MEGF8: variants seen among roughly 807,000 people sequenced by gnomAD.
MEGF8 encodes the protein multiple EGF like domains 8.
MEGF8 carries 156 observed loss-of-function variants against 302.9 expected under a neutral mutation model. That is an observed-to-expected ratio of 0.52 (90% CI 0.45 to 0.59). The LOEUF is 0.59. Ranked by LOEUF, MEGF8 falls within the 20% of genes least tolerant of loss-of-function variation. The pLI is 0.00. For missense variants in MEGF8, 3,345 were observed against 3,964.5 expected (o/e 0.84, Z 4.20); for synonymous variants, 1,621 against 1,660.5 (o/e 0.98, Z 0.58).
chr19:42,356,877 G>A lies in MEGF8; in HGVS notation c.4726G>A (p.Ala1576Thr), dbSNP rs771000965. 4.4e-6 allele frequency: 7 copies of A among 1,599,158 alleles called. No individual in the cohort carries two copies. The highest frequency in any genetic ancestry group is 6.0e-6 in the Non-Finnish European group (7 of 1,173,398). Residue 1576 changes from alanine (A) to threonine (T), a missense_variant, in exon 27 of 42, where the codon GCT becomes ACT. Transcript: ENST00000251268. This position sits in a 1 kb window ranked among gnomAD's most constrained non-coding sequence, Gnocchi z 5.2. ...CTTCCATGCAGCCGCATATGTGCCC[G>A]CTGGCCGTGGTGCCATGTATCTGCT... ...RSFHAAAYVP[A>T]GRGAMYLLGG...
rs2039267327 is a variant in MEGF8, at chr19:42,344,885, G to GT, written c.2097+55dup. ...GGGTGTTGATGATCCTGATCCTAGG[G>GT]TTTGTTTTTTCTCAAATGCATCTTT... On this transcript the variant is annotated intron_variant, in intron 12 of 41. Transcript: ENST00000251268. The surrounding 1 kb of genome is among the most constrained non-coding windows in gnomAD (Gnocchi z 4.5). 3 of 1,459,640 alleles carry GT rather than the reference G, an allele frequency of 2.1e-6. No individual in the cohort carries two copies. The African/African-American group carries it at 4.3e-5, about 21-fold the overall frequency. The allele number at this position is 1,459,640 out of a possible 1,614,324, so 90.4% of individuals were successfully genotyped here.
In MEGF8 at chr19:42,326,130, A is replaced by T; in HGVS notation, c.-114A>T. 2.2e-6 allele frequency: 3 copies of T among 1,364,850 alleles called. No homozygotes were observed. The highest frequency in any genetic ancestry group is 2.8e-6 in the Non-Finnish European group (3 of 1,059,274). The allele number at this position is 1,364,850 out of a possible 1,614,324, so 84.5% of individuals were successfully genotyped here. A position where few individuals can be genotyped will look rare whatever the true frequency, so the allele number is the denominator to read the frequency against. ...GGTCTCCGGGACCTCTTCGATCTAC[A>T]AGGTCATGTTATGCCTATAGAGGTC... On this transcript the variant is annotated 5_prime_UTR_variant, in exon 1 of 42. It introduces an in-frame stop codon into an upstream open reading frame of the 5' UTR. Transcript: ENST00000251268.
intron 31 of MEGF8, 46 bp downstream of exon 31, chr19:42,359,288 G>A: frequency 6.7e-7 from 1 of 1,488,798 alleles, no homozygotes; most frequent in Non-Finnish European, 8.9e-7. Flanking sequence ...ACATCCAGGA[G>A]GAGCCCCATC....
intron 41 of MEGF8, among the ~76,000 whole-genome samples, chr19:42,374,615 A>G (rs1463416950): frequency 6.6e-6 from 1 of 152,094 alleles, no homozygotes; most frequent in Non-Finnish European, 1.5e-5. Context: ...CCAGCCACAC[A>G]TTCATTCAGC....
intron 41 of MEGF8, among the ~76,000 whole-genome samples, chr19:42,373,913 A>C (rs1193655378): frequency 1.3e-5 from 2 of 151,720 alleles, no homozygotes; most frequent in Admixed American, 1.3e-4. Flanking sequence ...GGGTCTTACT[A>C]TGTTGCCCAG....
intron 41 of MEGF8, among the ~76,000 whole-genome samples, chr19:42,373,618 A>G (rs1330712550): frequency 1.4e-5 from 2 of 141,408 alleles, no homozygotes; most frequent in African/African-American, 2.7e-5. Context: ...CTAGTCTTGA[A>G]CTCCTGAGCT....
rs369206655 is a variant in MEGF8 at position 42,363,033 on chromosome 19, G to A, written c.6059-15G>A. ...TCCTGGGTCTGAGGTTCTAATCCCC[G>A]TGCCCCACCCCCAGGGGAGACCCGC... On this transcript the variant is annotated splice_polypyrimidine_tract_variant and intron_variant, in intron 34 of 41. Coordinates refer to ENST00000251268, the MANE Select transcript of MEGF8 (RefSeq NM_001271938.2). 1.6e-5 allele frequency: 26 copies of A among 1,607,154 alleles called. No homozygotes were observed. Among genetic ancestry groups the A allele is most frequent in the Middle Eastern group, 1.7e-4 (1 of 5,802 alleles).
chr19:42,348,893 G>A (rs1488403869), intron 13 of MEGF8, among the ~76,000 whole-genome samples: 1 of 152,208 alleles, frequency 6.6e-6, no homozygotes, highest in African/African-American at 2.4e-5. Flanking sequence ...AAGCCACTGC[G>A]CCTGGCTGGG....
chr19:42,329,403 G>A (rs1164406270), intron 1 of MEGF8, among the ~76,000 whole-genome samples: 1 of 152,154 alleles, frequency 6.6e-6, no homozygotes, highest in East Asian at 1.9e-4. Flanking sequence ...CAGTGCAATC[G>A]ATGTTTGTGG....
rs376227318 is a variant in MEGF8, at chr19:42,358,438, C to T, written c.5175+131C>T. On this transcript the variant is annotated intron_variant, in intron 29 of 41. Coordinates refer to ENST00000251268, the MANE Select transcript of MEGF8 (RefSeq NM_001271938.2). This position sits in a 1 kb window ranked among gnomAD's most constrained non-coding sequence, Gnocchi z 4.4. ...CTTTCTATGTTCCCTAACTAAGCGA[C>T]ACCCCCACATCTCCCCCGCTTCCAT... 54 of 1,172,416 alleles carry T rather than the reference C, an allele frequency of 4.6e-5. No individual in the cohort carries two copies. The highest frequency in any genetic ancestry group is 4.0e-4 in the East Asian group (14 of 34,956). The allele number at this position is 1,172,416 out of a possible 1,614,324, so 72.6% of individuals were successfully genotyped here.
At position 42,349,556 on chromosome 19, in the gene MEGF8, C is replaced by G. The variant is rs1427969966; in HGVS notation, c.2356C>G (p.Pro786Ala). ...QEKETRRLQR[P>A]GSARLFPLPG... is the part of the protein sequence containing the mutation. ...GAAGGAGACGCGGCGGCTGCAGCGCCCTGGGTCTGCTCGCCTCTTCCCTCT... is the reference window on the plus strand; with the variant it reads ...GAAGGAGACGCGGCGGCTGCAGCGCGCTGGGTCTGCTCGCCTCTTCCCTCT... The change falls in exon 14 of 42, where the codon CCT (proline) becomes GCT (alanine). Residue 786 changes from proline (P) to alanine (A), a missense_variant. Coordinates refer to ENST00000251268, the MANE Select transcript of MEGF8 (RefSeq NM_001271938.2). The G allele has an allele frequency of 6.2e-7, 1 of 1,612,072 alleles. No individual in the cohort carries two copies. Among genetic ancestry groups the G allele is most frequent in the Non-Finnish European group, 8.5e-7 (1 of 1,179,818 alleles).
At chr19:42,372,582 A>G (rs2039707531) in intron 41 of MEGF8, among the ~76,000 whole-genome samples, 1 of 152,102 alleles carries the variant, frequency 6.6e-6, no homozygotes, top group Admixed American at 6.5e-5. Context: ...TGCCACCCCA[A>G]ATGGCAACAG....
Position 42,377,140 on chromosome 19 carries a change from G to A in MEGF8, c.*365G>A. 1 of 219,012 alleles carries A rather than the reference G, an allele frequency of 4.6e-6. No homozygotes were observed. The highest frequency in any genetic ancestry group is 9.4e-5 in the East Asian group (1 of 10,626). 13.6% of individuals were successfully genotyped at this position (219,012 alleles called of 1,614,324 possible). ...CAAGTAAGATGGCTTCAGAGAGGGAGAAGCACTGTGAGGCCTCCAGAGGAT... is the reference window on the plus strand; with the variant it reads ...CAAGTAAGATGGCTTCAGAGAGGGAAAAGCACTGTGAGGCCTCCAGAGGAT... On this transcript the variant is annotated 3_prime_UTR_variant, in exon 42 of 42. Transcript: ENST00000251268.
At chr19:42,334,300 C>T in intron 3 of MEGF8, 87 bp downstream of exon 3, 1 of 1,236,404 alleles carries the variant, frequency 8.1e-7, no homozygotes, top group Non-Finnish European at 1.1e-6. Context: ...GACCTTGCTC[C>T]TGCATGAAAC....
In MEGF8 at chr19:42,357,539, A is replaced by G. The variant is rs1407686097; in HGVS notation, c.4966A>G (p.Thr1656Ala). The change falls in exon 28 of 42, where the codon ACC becomes GCC. Residue 1656 changes from threonine (T) to alanine (A), a missense_variant. Coordinates refer to ENST00000251268, the MANE Select transcript of MEGF8 (RefSeq NM_001271938.2). This position sits in a 1 kb window ranked among gnomAD's most constrained non-coding sequence, Gnocchi z 5.2. ...GCAGCTGCTGGAGTACCAGCTGGCA[A>G]CCGGCACCTGGGTGTCAGGAGCCCA... ...NQQLLEYQLA[T>A]GTWVSGAQSG... 4.3e-6 allele frequency: 7 copies of G among 1,613,198 alleles called. 1 individual carries two copies. In the South Asian group the frequency reaches 7.7e-5, roughly 18 times the overall value.
At chr19:42,333,918 C>A in intron 2 of MEGF8, 89 bp from the exon 3 acceptor site, 2 of 1,523,268 alleles carry the variant, frequency 1.3e-6, no homozygotes, top group East Asian at 2.4e-5. Flanking sequence ...CTCTGGGTCC[C>A]CCAGGGTGGA....
intron 31 of MEGF8, 58 bp downstream of exon 31, chr19:42,359,300 C>A: frequency 6.9e-7 from 1 of 1,457,356 alleles, no homozygotes; most frequent in East Asian, 2.5e-5. Context: ...AGCCCCATCC[C>A]CATCCTGGGA....
At chr19:42,339,546 C>T (rs1281026720) in intron 8 of MEGF8, among the ~76,000 whole-genome samples, 2 of 152,266 alleles carry the variant, frequency 1.3e-5, no homozygotes, top group African/African-American at 4.8e-5. Flanking sequence ...TGTCCTTTGT[C>T]TACTTTTTAA....
rs757377529 is a variant in MEGF8, at chr19:42,360,939, G to A, written c.5653G>A (p.Ala1885Thr). 6.2e-7 allele frequency: 1 copy of A among 1,606,748 alleles called. No homozygotes were observed. Among genetic ancestry groups the A allele is most frequent in the Non-Finnish European group, 8.5e-7 (1 of 1,175,198 alleles). ...CTGCCGCCTGCTGTCCTCACCTGAA[G>A]CTTGTAACCAGTCTGGGGCCTGCAC... The part of the protein sequence containing the change: ...DPCRLLSSPE[A>T]CNQSGACTWC... Residue 1885 changes from alanine (A) to threonine (T), a missense_variant, in exon 32 of 42, where the codon GCT (alanine) becomes ACT (threonine). Ala to Thr is a moderately conservative substitution (Grantham distance 58). Transcript: ENST00000251268.
Sources: gnomAD v4.1 joint callset for allele counts (sites outside exome capture counted in the v4.1 genomes callset) on GRCh38, gnomAD v4.1.1 for gene constraint, Gnocchi (gnomAD v3.1) non-coding constraint, MANE v1.5 for transcripts, NCBI Gene and HGNC (gene_info 2026-07-23, HGNC 2026-07-21) for gene names.